Variants in TNR observed in about 807,000 individuals in gnomAD.
TNR encodes tenascin-R.
Under a neutral mutation model 150.4 loss-of-function variants are expected in TNR, and 45 were observed. The ratio of observed to expected loss-of-function variants is 0.30; its 90% CI spans 0.24 to 0.38. The LOEUF is 0.38. Among genes scored for constraint, TNR ranks in the 10% least tolerant of loss-of-function variants. The pLI is 1.00. For synonymous variants in TNR, 687 were observed against 678.4 expected, an observed-to-expected ratio of 1.01 and a Z score of -0.20; for missense variants, 1,544 against 1,759.1, an observed-to-expected ratio of 0.88 and a Z score of 2.19.
In TNR at chr1:175,406,673, G is replaced by A; in HGVS notation, c.42C>T (p.Leu14=). Reference sequence around the variant, plus strand: ...CCAGAAGGATCAGGTTGATGCCAATGAGCATGTTCTTCAGAACCACTGTTT... The same window carrying A: ...CCAGAAGGATCAGGTTGATGCCAATAAGCATGTTCTTCAGAACCACTGTTT... ...DGETVVLKNM[L]IGINLILLGS... Residue 14 remains leucine (L), a synonymous_variant, in exon 3 of 23, where the codon CTC becomes CTT. Coordinates refer to ENST00000367674, the MANE Select transcript of TNR (RefSeq NM_003285.3). 1.9e-6 allele frequency: 3 copies of A among 1,614,176 alleles called. No homozygotes were observed. Among genetic ancestry groups the A allele is most frequent in the African/African-American group, 2.7e-5 (2 of 75,050 alleles).
chr1:175,398,232 T>A (rs561668506), intron 4 of TNR, among the ~76,000 whole-genome samples: 172 of 152,332 alleles, frequency 1.1e-3, no homozygotes, highest in African/African-American at 4.1e-3. Flanking sequence ...AGCATATATA[T>A]GCACTGCTGG....
At chr1:175,560,511 C>T (rs2102209565) in intron 1 of TNR, among the ~76,000 whole-genome samples, 1 of 152,346 alleles carries the variant, frequency 6.6e-6, no homozygotes, top group Middle Eastern at 3.4e-3. Context: ...AGCTGATTTA[C>T]ATAACTAGCA....
chr1:175,690,147 G>A (rs1290509604), intron 1 of TNR, among the ~76,000 whole-genome samples: 1 of 152,062 alleles, frequency 6.6e-6, no homozygotes, highest in Non-Finnish European at 1.5e-5. Context: ...CCAAAGCTAT[G>A]TCTTTTTATT....
intron 1 of TNR, 82 bp downstream of exon 1, chr1:175,743,144 A>C (rs1014774919): frequency 2.0e-5 from 3 of 152,252 alleles, no homozygotes; most frequent in African/African-American, 7.2e-5. Context: ...GATACACAGG[A>C]ACCAAAATGC....
intron 2 of TNR, among the ~76,000 whole-genome samples, chr1:175,419,598 C>T (rs1201691352): frequency 6.6e-6 from 1 of 152,184 alleles, no homozygotes; most frequent in Non-Finnish European, 1.5e-5. Flanking sequence ...TCTCGTGCCT[C>T]AGCCTCCCAA....
At chr1:175,713,270 GT>G (rs1667067119) in intron 1 of TNR, among the ~76,000 whole-genome samples, 1 of 152,168 alleles carries the variant, frequency 6.6e-6, no homozygotes, top group Non-Finnish European at 1.5e-5. Flanking sequence ...CAGGACCTGG[GT>G]TTCCTGTGTG....
At chr1:175,672,840 C>T (rs918672760) in intron 1 of TNR, among the ~76,000 whole-genome samples, 1 of 152,152 alleles carries the variant, frequency 6.6e-6, no homozygotes, top group African/African-American at 2.4e-5. Context: ...TTCTACAGTA[C>T]CTTCTGCAAT....
At chr1:175,739,402 A>G (rs1667861149) in intron 1 of TNR, among the ~76,000 whole-genome samples, 1 of 152,160 alleles carries the variant, frequency 6.6e-6, no homozygotes. Context: ...TGGCCCTTAA[A>G]TGAGGGACAG....
At chr1:175,682,711 TG>T (rs1259100443) in intron 1 of TNR, among the ~76,000 whole-genome samples, 1 of 152,106 alleles carries the variant, frequency 6.6e-6, no homozygotes, top group Non-Finnish European at 1.5e-5. Context: ...GCCTCGGTCA[TG>T]GACTGCTTGG....
chr1:175,356,064 C>T (rs1366123270), intron 16 of TNR, among the ~76,000 whole-genome samples: 1 of 152,128 alleles, frequency 6.6e-6, no homozygotes, highest in Non-Finnish European at 1.5e-5. Flanking sequence ...GGGGCAGATG[C>T]ATTCCGAGTA....
At chr1:175,658,211 C>T (rs150416362) in intron 1 of TNR, among the ~76,000 whole-genome samples, 1,814 of 152,264 alleles carry the variant, frequency 0.012, 33 homozygotes, top group African/African-American at 0.039. Context: ...GGAACCCAGG[C>T]TCTCAGTTGT....
intron 18 of TNR, among the ~76,000 whole-genome samples, chr1:175,352,116 G>A (rs1459658460): frequency 6.6e-6 from 1 of 152,184 alleles, no homozygotes. Flanking sequence ...CCAAAAAACT[G>A]TACACTGCTT....
intron 1 of TNR, among the ~76,000 whole-genome samples, chr1:175,644,320 T>A (rs1433076390): frequency 6.6e-6 from 1 of 152,172 alleles, no homozygotes; most frequent in African/African-American, 2.4e-5. Context: ...CACCTTCTCA[T>A]AACCCCCAGC....
At chr1:175,539,271 G>T (rs989170844) in intron 1 of TNR, 1 of 152,240 alleles carries the variant, frequency 6.6e-6, no homozygotes, top group African/African-American at 2.4e-5. Flanking sequence ...GCTAAAAATT[G>T]CTGGAGGCAA....
intron 9 of TNR, among the ~76,000 whole-genome samples, chr1:175,371,386 C>A (rs1652099438): frequency 6.6e-6 from 1 of 152,200 alleles, no homozygotes; most frequent in Non-Finnish European, 1.5e-5. Context: ...CCCTAAAGCA[C>A]AGTCATACAT....
intron 2 of TNR, among the ~76,000 whole-genome samples, chr1:175,440,785 G>C (rs1050130529): frequency 6.6e-6 from 1 of 152,262 alleles, no homozygotes; most frequent in Non-Finnish European, 1.5e-5. Context: ...ACTGAGAGCT[G>C]ACCACTGGAT....
At position 175,720,001 on chromosome 1, in the gene TNR, C is replaced by T. The variant is rs149680861; in HGVS notation, c.-165+23225G>A. Among the ~76,000 whole-genome samples, 62 of 152,330 alleles carry T rather than the reference C, an allele frequency of 4.1e-4. 2 individuals are homozygous for T. Among genetic ancestry groups the T allele is most frequent in the African/African-American group, 1.4e-3 (58 of 41,576 alleles). On this transcript the variant is annotated intron_variant, in intron 1 of 22. Coordinates refer to ENST00000367674, the MANE Select transcript of TNR (RefSeq NM_003285.3). The stretch of plus-strand genomic sequence containing the variant: ...CCCGGGACAGCCCTGCTGAGCAACA[C>T]GTTTCTGCCCAAAGAGGGAGATCTG...
intron 2 of TNR, among the ~76,000 whole-genome samples, chr1:175,437,992 A>G (rs1345057705): frequency 6.6e-6 from 1 of 152,270 alleles, no homozygotes; most frequent in Non-Finnish European, 1.5e-5. Context: ...TATTCCAGTC[A>G]ATAGAAAAAG....
At chr1:175,711,694 A>G (rs1428832957) in intron 1 of TNR, among the ~76,000 whole-genome samples, 1 of 152,126 alleles carries the variant, frequency 6.6e-6, no homozygotes, top group Non-Finnish European at 1.5e-5. Flanking sequence ...AGGTGGTGGG[A>G]GGGGCTGAAT....
Sources: gnomAD v4.1 joint callset for allele counts (sites outside exome capture counted in the v4.1 genomes callset) on GRCh38, gnomAD v4.1.1 for gene constraint, MANE v1.5 for transcripts, NCBI Gene and HGNC (gene_info 2026-07-23, HGNC 2026-07-21) for gene names.